The following OBP2B variants were observed in gnomAD, a reference collection of about 807,000 sequenced individuals.
OBP2B encodes odorant binding protein 2B, also known as odorant-binding protein 2b.
Under a neutral mutation model 21.7 loss-of-function variants are expected in OBP2B, and 10 were observed. That is an observed-to-expected ratio of 0.46 (90% CI 0.28 to 0.78). OBP2B has a LOEUF of 0.78. Ranked by LOEUF, OBP2B falls within the 30% of genes least tolerant of loss-of-function variation. OBP2B has a pLI of 0.11. For missense variants in OBP2B, 153 were observed against 217.7 expected, an observed-to-expected ratio of 0.70 and a Z score of 1.87; for synonymous variants, 73 against 91.5, an observed-to-expected ratio of 0.80 and a Z score of 1.16.
chr9:133,208,692 C>T (rs1303803953), intron 1 of OBP2B, 90 bp from the exon 2 acceptor site: 13 of 1,525,028 alleles, frequency 8.5e-6, no homozygotes, highest in East Asian at 7.0e-5. Context: ...AACCAGACAC[C>T]CATGGTGCCC....
chr9:133,205,554 C>A, intron 6 of OBP2B, 143 bp from the exon 7 acceptor site: 2 of 631,182 alleles, frequency 3.2e-6, no homozygotes, highest in South Asian at 4.1e-5. Flanking sequence ...TCAGCTCCTC[C>A]AATGACTGGG....
intron 4 of OBP2B, 46 bp downstream of exon 4, chr9:133,207,180 G>T: frequency 7.6e-7 from 1 of 1,314,850 alleles, no homozygotes; most frequent in Non-Finnish European, 1.1e-6. Flanking sequence ...GCTTCCAGAG[G>T]CAGAGACCGT....
upstream of OBP2B, among the ~76,000 whole-genome samples, chr9:133,209,966 C>T (rs565465071): frequency 9.8e-5 from 15 of 152,328 alleles, no homozygotes; most frequent in African/African-American, 2.9e-4. The surrounding 1 kb of genome is among the most constrained non-coding windows in gnomAD (Gnocchi z 6.0). Context: ...TCTTCCTGCA[C>T]GTATTCATCG....
chr9:133,206,044 G>C, intron 5 of OBP2B, 104 bp from the exon 6 acceptor site: 1 of 1,515,776 alleles, frequency 6.6e-7, no homozygotes, highest in Non-Finnish European at 9.1e-7. Flanking sequence ...TCGCAGCCCA[G>C]AGCGCGGAGC....
the OBP2B span, among the ~76,000 whole-genome samples, chr9:133,216,481 G>A: frequency 5.5e-4 from 80 of 145,686 alleles, 1 homozygote; most frequent in South Asian, 1.1e-3. Context: ...GGCTTGACAG[G>A]TTTAAAAAAA....
chr9:133,206,003 C>T (rs541996945), intron 5 of OBP2B, 63 bp from the exon 6 acceptor site: 3 of 1,612,360 alleles, frequency 1.9e-6, no homozygotes, highest in East Asian at 2.2e-5. Context: ...CAGACCCCAT[C>T]GCAGCCCAGA....
chr9:133,221,228 C>T, the OBP2B span, among the ~76,000 whole-genome samples: 3 of 152,164 alleles, frequency 2.0e-5, no homozygotes, highest in African/African-American at 7.2e-5. Context: ...CCAGAGGATG[C>T]GTTTCCTCAC....
intron 1 of OBP2B, 21 bp from the exon 2 acceptor site, chr9:133,208,623 G>T (rs1277355253): frequency 1.9e-6 from 3 of 1,584,576 alleles, no homozygotes; most frequent in Non-Finnish European, 2.6e-6. Context: ...CCAAGGCCGT[G>T]AGCCCACCAT....
chr9:133,209,039 G>A lies in OBP2B; in HGVS notation c.72+89C>T. 1 of 1,552,744 alleles carries A rather than the reference G, an allele frequency of 6.4e-7. No homozygotes were observed. Among genetic ancestry groups the A allele is most frequent in the Non-Finnish European group, 8.7e-7 (1 of 1,147,160 alleles). On this transcript the variant is annotated intron_variant, in intron 1 of 6. Transcript: ENST00000372034. This position sits in a 1 kb window ranked among gnomAD's most constrained non-coding sequence, Gnocchi z 6.0. ...GCACGGGGTCAGAAGCCAGCCTTCA[G>A]TGACACCTCCTAAAGCAGGGCCCCT...
chr9:133,218,445 G>A, the OBP2B span, among the ~76,000 whole-genome samples: 1 of 152,208 alleles, frequency 6.6e-6, no homozygotes, highest in Non-Finnish European at 1.5e-5. Flanking sequence ...TTGCTGCATT[G>A]AGCACAGATT....
intron 6 of OBP2B, 97 bp downstream of exon 6, chr9:133,205,820 G>T: frequency 3.8e-6 from 6 of 1,566,854 alleles, no homozygotes; most frequent in Non-Finnish European, 5.3e-6. Context: ...GGTCTCCCTG[G>T]CTGTGTGGGA....
intron 2 of OBP2B, 110 bp from the exon 3 acceptor site, chr9:133,208,313 C>T (rs1366185379): frequency 3.8e-6 from 6 of 1,596,314 alleles, no homozygotes; most frequent in South Asian, 3.3e-5. Context: ...CACTGCCCCC[C>T]ACCCCACCGA....
intron 1 of OBP2B, among the ~76,000 whole-genome samples, 173 bp downstream of exon 1, chr9:133,208,955 G>T (rs566241236): frequency 2.6e-5 from 4 of 151,448 alleles, no homozygotes; most frequent in Non-Finnish European, 4.4e-5. Flanking sequence ...CCTGGGCCTC[G>T]GGGGGCCGTG....
chr9:133,208,064 C>A, intron 3 of OBP2B, 69 bp downstream of exon 3: 6 of 1,490,032 alleles, frequency 4.0e-6, no homozygotes, highest in Non-Finnish European at 5.4e-6. Flanking sequence ...GCACTCTCTA[C>A]CTGTGGAGGC....
At position 133,207,428 on chromosome 9, in the gene OBP2B, T is replaced by C. The variant is rs73562307; in HGVS notation, c.278-92A>G. On this transcript the variant is annotated intron_variant, in intron 3 of 6. Coordinates refer to ENST00000372034, the MANE Select transcript of OBP2B (RefSeq NM_014581.4). ...GGGAATGTTTCAGCGGTCACCCAGG[T>C]GCCCTGGACAGCCTGAGCCAGGCCT... is the stretch of plus-strand genomic sequence containing the variant. 17,546 of 871,540 alleles carry C rather than the reference T, an allele frequency of 0.02. 1,480 individuals are homozygous for C. In the African/African-American group the frequency reaches 0.22, roughly 11 times the overall value. The allele number at this position is 871,540 out of a possible 1,614,324, so 54.0% of individuals were successfully genotyped here.
the OBP2B span, among the ~76,000 whole-genome samples, chr9:133,221,841 C>T: frequency 1.3e-5 from 2 of 152,226 alleles, no homozygotes; most frequent in East Asian, 3.9e-4. Flanking sequence ...CCATGACACA[C>T]AGAACTGGGA....
At chr9:133,217,814 G>A in the OBP2B span, among the ~76,000 whole-genome samples, 35 of 152,222 alleles carry the variant, frequency 2.3e-4, no homozygotes, top group Non-Finnish European at 4.1e-4. Flanking sequence ...CTTCTCCCGT[G>A]AGGTCTGAAC....
intron 3 of OBP2B, chr9:133,207,764 C>G: frequency 9.8e-7 from 1 of 1,016,926 alleles, no homozygotes; most frequent in Non-Finnish European, 1.4e-6. Context: ...AACCCTCAGC[C>G]TCCCCATCCT....
chr9:133,210,132 G>A (rs1201897932), upstream of OBP2B, among the ~76,000 whole-genome samples: 1 of 152,074 alleles, frequency 6.6e-6, no homozygotes, highest in African/African-American at 2.4e-5. Flanking sequence ...CGTGGCTGAG[G>A]TCCCTTGGGC....
Sources: gnomAD v4.1 joint callset for allele counts (sites outside exome capture counted in the v4.1 genomes callset) on GRCh38, gnomAD v4.1.1 for gene constraint, Gnocchi (gnomAD v3.1) non-coding constraint, MANE v1.5 for transcripts, NCBI Gene and HGNC (gene_info 2026-07-23, HGNC 2026-07-21) for gene names.